Variants in ARIH1 observed in about 807,000 individuals in gnomAD.
The protein encoded by ARIH1 is E3 ubiquitin-protein ligase ARIH1.
ARIH1 carries 8 observed loss-of-function variants against 85.0 expected under a neutral mutation model. The ratio of observed to expected loss-of-function variants is 0.09; its 90% confidence interval spans 0.06 to 0.17. The LOEUF is 0.17. ARIH1 is among the 10% of genes least tolerant of loss of function. ARIH1 has a pLI of 1.00. For missense variants in ARIH1, 311 were observed against 718.1 expected, an observed-to-expected ratio of 0.43 and a Z score of 6.48; for synonymous variants, 238 against 253.6, an observed-to-expected ratio of 0.94 and a Z score of 0.59.
chr15:72,575,660 C>T (rs1234304508), intron 11 of ARIH1, among the ~76,000 whole-genome samples: 2 of 150,620 alleles, frequency 1.3e-5, no homozygotes, highest in African/African-American at 4.9e-5. Context: ...TAGATTAAGT[C>T]AAGTCCCATA....
intron 1 of ARIH1, among the ~76,000 whole-genome samples, chr15:72,479,774 G>C (rs2063807992): frequency 6.6e-6 from 1 of 151,942 alleles, no homozygotes; most frequent in African/African-American, 2.4e-5. Flanking sequence ...CTGTTGGTTC[G>C]AAAGCTGTAT....
rs2064361126 is a variant in ARIH1 at position 72,595,808 on chromosome 15, G to GTTTTTTTTTTTTTTTTTCTT, written c.*12533_*12534insCTTTTTTTTTTTTTTTTTTT. 5 of 122,822 alleles carry GTTTTTTTTTTTTTTTTTCTT rather than the reference G, an allele frequency of 4.1e-5. No individual in the cohort carries two copies. The highest frequency in any genetic ancestry group is 2.8e-4 in the South Asian group (1 of 3,596). The allele number at this position is 122,822 out of a possible 1,614,324, so 7.6% of individuals were successfully genotyped here. ...TATTGCAGTGTTTTTTGTTTTTTCT[G>GTTTTTTTTTTTTTTTTTCTT]TTTTTTTTTTTTTTTTTTCATCTTT... On this transcript the variant is annotated 3_prime_UTR_variant, in exon 14 of 14. Coordinates refer to ENST00000379887, the MANE Select transcript of ARIH1 (RefSeq NM_005744.5).
Position 72,594,560 on chromosome 15 carries a change from A to AGGTT in ARIH1, c.*11272_*11275dup. The AGGTT allele has an allele frequency of 6.6e-6, 1 of 152,142 alleles. No homozygotes were observed. 9.4% of individuals were successfully genotyped at this position (152,142 alleles called of 1,614,324 possible). ...AGAGATGGGTCTCACTATGTTGCCC[A>AGGTT]GGTTGGTCTTAAACTCCTGAGCTCA... is the stretch of plus-strand genomic sequence containing the variant. On this transcript the variant is annotated 3_prime_UTR_variant, in exon 14 of 14. Coordinates refer to ENST00000379887, the MANE Select transcript of ARIH1 (RefSeq NM_005744.5).
intron 3 of ARIH1, among the ~76,000 whole-genome samples, chr15:72,548,653 T>A (rs972624596): frequency 6.6e-6 from 1 of 152,218 alleles, no homozygotes; most frequent in South Asian, 2.1e-4. Context: ...TTTAGACTCA[T>A]ATAGAAGGAT....
At chr15:72,535,249 C>A (rs1193418021) in intron 2 of ARIH1, among the ~76,000 whole-genome samples, 1 of 152,100 alleles carries the variant, frequency 6.6e-6, no homozygotes, top group Non-Finnish European at 1.5e-5. Context: ...CCGCGCCCGG[C>A]CTTATTGTCT....
intron 1 of ARIH1, among the ~76,000 whole-genome samples, chr15:72,505,190 T>G (rs1052637672): frequency 6.6e-6 from 1 of 152,338 alleles, no homozygotes; most frequent in African/African-American, 2.4e-5. Context: ...GGACCTGGGA[T>G]TCTACATTTC....
intron 1 of ARIH1, among the ~76,000 whole-genome samples, chr15:72,493,014 A>G (rs1046250021): frequency 6.6e-6 from 1 of 152,158 alleles, no homozygotes; most frequent in African/African-American, 2.4e-5. Context: ...AGCCAACCAC[A>G]TATCAAGTAC....
intron 9 of ARIH1, 160 bp from the exon 10 acceptor site, chr15:72,570,017 T>G: frequency 1.6e-6 from 1 of 636,148 alleles, no homozygotes; most frequent in East Asian, 3.1e-5. Context: ...TCATTTTAAA[T>G]AGTGCTTAAG....
chr15:72,516,539 C>T (rs934320485), intron 1 of ARIH1, among the ~76,000 whole-genome samples: 3 of 152,158 alleles, frequency 2.0e-5, no homozygotes, highest in Admixed American at 6.5e-5. Flanking sequence ...TATTTCTTTT[C>T]ACATCTTAAC....
intron 2 of ARIH1, among the ~76,000 whole-genome samples, chr15:72,526,509 C>T (rs531145509): frequency 6.6e-5 from 10 of 152,228 alleles, no homozygotes; most frequent in Admixed American, 1.3e-4. Flanking sequence ...GTTGGAGGGT[C>T]ACTTGAAGCC....
chr15:72,474,853 AGCGCTCTGGGGCCCGGCGGTGGCGGCG>A lies in ARIH1; in HGVS notation c.218_244del (p.Ala73_Gly81del). 1 of 1,374,622 alleles carries A rather than the reference AGCGCTCTGGGGCCCGGCGGTGGCGGCG, an allele frequency of 7.3e-7. No individual in the cohort carries two copies. The highest frequency in any genetic ancestry group is 9.4e-7 in the Non-Finnish European group (1 of 1,064,826). 85.2% of individuals were successfully genotyped at this position (1,374,622 alleles called of 1,614,324 possible). On this transcript the variant is annotated inframe_deletion, in exon 1 of 14. Coordinates refer to ENST00000379887, the MANE Select transcript of ARIH1 (RefSeq NM_005744.5). ...CGGGGAGACGGGCGGTGGCGGCGGC[AGCGCTCTGGGGCCCGGCGGTGGCGGCG>A]GCGGCGGCGGCGGCGGTGGTGGTGG...
intron 1 of ARIH1, among the ~76,000 whole-genome samples, chr15:72,502,029 A>G (rs151292413): frequency 0.018 from 2,756 of 152,318 alleles, 73 homozygotes; most frequent in African/African-American, 0.063. Context: ...CTCTTGATGC[A>G]AAGTCATAGA....
intron 1 of ARIH1, among the ~76,000 whole-genome samples, chr15:72,481,434 T>A (rs535912836): frequency 2.0e-5 from 3 of 152,310 alleles, no homozygotes; most frequent in African/African-American, 7.2e-5. Flanking sequence ...AGGGGACCAG[T>A]CACGGTGGCT....
In ARIH1 at chr15:72,483,689, A is replaced by C. The variant is rs368885921; in HGVS notation, c.375+8675A>C. Among the ~76,000 whole-genome samples, 146 of 152,300 alleles carry C rather than the reference A, an allele frequency of 9.6e-4. 1 individual carries two copies. In the South Asian group the frequency reaches 0.029, roughly 30 times the overall value. On this transcript the variant is annotated intron_variant, in intron 1 of 13. Transcript: ENST00000379887. ...TAAATTAATTACTTTTGGCTTTGCA[A>C]AACATTATACCTGTAAATGATAAAC...
At chr15:72,559,435 A>G (rs988120413) in intron 5 of ARIH1, among the ~76,000 whole-genome samples, 3 of 151,892 alleles carry the variant, frequency 2.0e-5, no homozygotes, top group Admixed American at 6.6e-5. Flanking sequence ...ATGCTCGGCT[A>G]ATTTTTTTGT....
chr15:72,598,340 C>G lies in ARIH1; in HGVS notation c.*15048C>G, dbSNP rs1009376884. 2 of 152,180 alleles carry G rather than the reference C, an allele frequency of 1.3e-5. No individual in the cohort carries two copies. Among genetic ancestry groups the G allele is most frequent in the East Asian group, 1.9e-4 (1 of 5,182 alleles). 9.4% of individuals were successfully genotyped at this position (152,180 alleles called of 1,614,324 possible). On this transcript the variant is annotated 3_prime_UTR_variant, in exon 14 of 14. Transcript: ENST00000379887. ...TCATCTGGCCTTTTGTTGTTGTTTG[C>G]TAGAGTGGGAGGTATATTCCTTGTG...
chr15:72,494,465 A>G (rs1012044152), intron 1 of ARIH1, among the ~76,000 whole-genome samples: 2 of 152,184 alleles, frequency 1.3e-5, no homozygotes, highest in African/African-American at 4.8e-5. Flanking sequence ...AAGTTGTGGT[A>G]TGTTGAATGA....
intron 1 of ARIH1, among the ~76,000 whole-genome samples, chr15:72,491,647 C>G (rs2063859978): frequency 6.6e-6 from 1 of 152,172 alleles, no homozygotes; most frequent in Non-Finnish European, 1.5e-5. Flanking sequence ...CATTTCTCTT[C>G]TACCAAATTC....
chr15:72,483,471 G>A (rs1407110196), intron 1 of ARIH1, among the ~76,000 whole-genome samples: 2 of 152,162 alleles, frequency 1.3e-5, no homozygotes, highest in African/African-American at 2.4e-5. Context: ...ATACTCAATC[G>A]GAGGGGATTA....
Sources: allele counts gnomAD v4.1 joint callset (sites outside exome capture counted in the v4.1 genomes callset), GRCh38; gene constraint gnomAD v4.1.1; transcripts MANE v1.5; gene names NCBI Gene and HGNC (gene_info 2026-07-23, HGNC 2026-07-21).